MYL5: variants seen among roughly 807,000 people sequenced by gnomAD.
MYL5 encodes the protein myosin light chain 5, also known as myosin regulatory light chain 5.
In MYL5, 28 loss-of-function variants were observed where a neutral mutation model predicts 20.8. The observed-to-expected ratio is 1.35, with a 90% CI of 1.00 to 1.84. The LOEUF (loss-of-function observed/expected upper bound fraction) is 1.84, where lower values mean the gene tolerates loss of function less well. MYL5 is among the 40% of genes most tolerant of loss of function. The pLI is 0.00. For missense variants in MYL5, 274 were observed against 227.3 expected (o/e 1.21, Z -1.32); for synonymous variants, 118 against 87.4 (o/e 1.35, Z -1.95).
At chr4:680,702 C>T (rs2109353788) in intron 5 of MYL5, 115 bp downstream of exon 7, 2 of 1,096,752 alleles carry the variant, frequency 1.8e-6, no homozygotes, top group East Asian at 2.5e-5. Context: ...CACCTCTGAC[C>T]AGCTTCAGGG....
At chr4:680,275 G>C (rs1392831442) in intron 4 of MYL5, among the ~76,000 whole-genome samples, 2 of 152,120 alleles carry the variant, frequency 1.3e-5, no homozygotes, top group Non-Finnish European at 2.9e-5. Flanking sequence ...CCCAGCTCCA[G>C]GCCTGGGCTG....
At chr4:677,811 T>C, upstream of MYL5, 1 of 700,842 alleles carries the variant, frequency 1.4e-6, no homozygotes, top group South Asian at 1.7e-5. Flanking sequence ...CTGGGGAGGC[T>C]GGGGGCCTTG....
At chr4:677,842 G>T (rs946150504), upstream of MYL5, 2 of 943,752 alleles carry the variant, frequency 2.1e-6, no homozygotes, top group Non-Finnish European at 3.4e-6. Context: ...CAGGGCAAGG[G>T]TGTGAGTCAC....
chr4:676,781 C>T (rs377599754), upstream of MYL5: 1,964 of 635,294 alleles, frequency 3.1e-3, 4 homozygotes, highest in Middle Eastern at 8.6e-3. Context: ...ATGCCCTGGC[C>T]CTTGCTCCCA....
chr4:678,611 TTTCG>T, intron 1 of MYL5, 43 bp from the exon 4 acceptor site: 1 of 1,566,212 alleles, frequency 6.4e-7, no homozygotes, highest in Non-Finnish European at 8.7e-7. Flanking sequence ...CCCTGGAGGG[TTTCG>T]TCAGCCAGCC....
At chr4:676,136 C>G (rs1437592592), upstream of MYL5, 3 of 152,406 alleles carry the variant, frequency 2.0e-5, no homozygotes, top group Admixed American at 1.3e-4. Flanking sequence ...CGCAGGTGCA[C>G]ACTGGATCCA....
At position 680,786 on chromosome 4, in the gene MYL5, C is replaced by A. The variant is rs929545767; in HGVS notation, c.371+199C>A. On this transcript the variant is annotated intron_variant, in intron 5 of 6. Coordinates refer to ENST00000400159, the Ensembl canonical transcript of MYL5. ...CTCACACAGGGACCAGCGCCTGTGC[C>A]CGGTGGGGGTGGGGCGGCTTCCCCT... 24 of 656,864 alleles carry A rather than the reference C, an allele frequency of 3.7e-5. No individual in the cohort carries two copies. The African/African-American group carries it at 3.7e-4, about 10-fold the overall frequency. The allele number at this position is 656,864 out of a possible 1,614,324, so 40.7% of individuals were successfully genotyped here.
At chr4:680,740 C>T in intron 5 of MYL5, 153 bp downstream of exon 7, 1 of 797,578 alleles carries the variant, frequency 1.3e-6, no homozygotes, top group Non-Finnish European at 2.0e-6. Flanking sequence ...AGGATCCCAG[C>T]TGAGTGGGAG....
At chr4:680,641 C>A in intron 5 of MYL5, 54 bp downstream of exon 7, 1 of 1,566,264 alleles carries the variant, frequency 6.4e-7, no homozygotes, top group Non-Finnish European at 8.8e-7. Flanking sequence ...CCAGTGATCT[C>A]ATCCTGTCCC....
upstream of MYL5, chr4:675,928 C>T (rs1738801649): frequency 6.6e-6 from 1 of 152,266 alleles, no homozygotes; most frequent in South Asian, 2.1e-4. Context: ...CACGGAAAAA[C>T]TGTCCTCCGT....
intron 3 of MYL5, chr4:679,296 G>C: frequency 2.6e-6 from 1 of 384,322 alleles, no homozygotes; most frequent in East Asian, 5.8e-5. Context: ...GCAGGCTCCA[G>C]GGAGGGGCTG....
rs1028279035 is a variant in MYL5, at chr4:678,719, A to G, written c.65A>G (p.Asn22Ser). 5.0e-6 allele frequency: 8 copies of G among 1,612,284 alleles called. No individual in the cohort carries two copies. The East Asian group carries it at 1.1e-4, about 22-fold the overall frequency. Residue 22 changes from asparagine to serine, a missense_variant, in exon 2 of 7, where the codon AAT becomes AGT. Physicochemically the swap from Asn to Ser is conservative, Grantham distance 46. Transcript: ENST00000400159. ...CTCCGGGCCCAGAGAGCCTCATCCA[A>G]TGTCTTCTCCAACTTTGAGCAGACT...
chr4:678,208 TTGCGG>T, intron 1 of MYL5, 179 bp downstream of exon 3: 1 of 1,511,452 alleles, frequency 6.6e-7, no homozygotes, highest in Non-Finnish European at 8.9e-7. Flanking sequence ...GTGTGTGACC[TTGCGG>T]GTGTGGGCTG....
At chr4:678,078 G>A (rs763612974) in intron 1 of MYL5, 49 bp downstream of exon 3, 1 of 1,608,858 alleles carries the variant, frequency 6.2e-7, no homozygotes, top group Non-Finnish European at 8.5e-7. Flanking sequence ...GGTGTGAGCT[G>A]TGCTGTGCAT....
At chr4:680,408 T>TC in intron 4 of MYL5, 101 bp from the exon 7 acceptor site, 1 of 1,198,096 alleles carries the variant, frequency 8.3e-7, no homozygotes, top group Non-Finnish European at 1.2e-6. Flanking sequence ...GCTTGGAGTC[T>TC]CCCCCTGCTT....
chr4:678,247 C>T (rs1739055375), intron 1 of MYL5: 20 of 1,475,698 alleles, frequency 1.4e-5, no homozygotes, highest in Non-Finnish European at 1.8e-5. Context: ...GAAGTACGTG[C>T]CTCACGTTGC....
Position 681,149 on chromosome 4 carries a change from CGCG to C in MYL5, c.420+12_420+14del. The C allele has an allele frequency of 6.2e-7, 1 of 1,602,130 alleles. No homozygotes were observed. On this transcript the variant is annotated intron_variant, in intron 6 of 6. Coordinates refer to ENST00000400159, the Ensembl canonical transcript of MYL5. ...AGATGACGGCGGAAGAGGTCTGGCC[CGCG>C]GCTTCCCTGCCAAGCCCACGAGGGG... is the stretch of plus-strand genomic sequence containing the variant.
chr4:679,170 C>A, intron 3 of MYL5, 137 bp downstream of exon 5: 2 of 869,416 alleles, frequency 2.3e-6, no homozygotes, highest in Non-Finnish European at 3.8e-6. Flanking sequence ...CCTGAAGCTG[C>A]AAGGTGATGG....
upstream of MYL5, chr4:677,921 G>T: frequency 1.3e-6 from 2 of 1,592,662 alleles, no homozygotes; most frequent in Non-Finnish European, 1.7e-6. Flanking sequence ...TGTCCTTGTA[G>T]GGAGTGGCAG....
Sources: gnomAD v4.1 joint callset for allele counts (sites outside exome capture counted in the v4.1 genomes callset) on GRCh38, gnomAD v4.1.1 for gene constraint, MANE v1.5 for transcripts, NCBI Gene and HGNC (gene_info 2026-07-23, HGNC 2026-07-21) for gene names.